TAFA5: variants seen among roughly 807,000 people sequenced by gnomAD.
TAFA5 encodes the protein chemokine-like protein TAFA-5.
Under a neutral mutation model 15.3 loss-of-function variants are expected in TAFA5, and 6 were observed. That is an observed-to-expected ratio of 0.39 (90% CI 0.21 to 0.77). The LOEUF (loss-of-function observed/expected upper bound fraction) is 0.77. Ranked by LOEUF, TAFA5 falls within the 30% of genes least tolerant of loss-of-function variation. TAFA5 has a pLI of 0.41. For missense variants in TAFA5, 161 were observed against 193.1 expected, an observed-to-expected ratio of 0.83 and a Z score of 0.98; for synonymous variants, 103 against 80.7, an observed-to-expected ratio of 1.28 and a Z score of -1.48.
At chr22:48,626,264 C>G (rs1806531379) in intron 1 of TAFA5, among the ~76,000 whole-genome samples, 1 of 152,198 alleles carries the variant, frequency 6.6e-6, no homozygotes, top group Non-Finnish European at 1.5e-5. Context: ...TTGTAAGACG[C>G]TGCCAAGCTG....
At chr22:48,717,327 G>C (rs532650494) in intron 3 of TAFA5, among the ~76,000 whole-genome samples, 4 of 152,194 alleles carry the variant, frequency 2.6e-5, no homozygotes, top group Non-Finnish European at 5.9e-5. Context: ...GGTGCAGGAA[G>C]AACAGGCTCC....
chr22:48,613,777 T>A (rs1417402365), intron 1 of TAFA5, among the ~76,000 whole-genome samples: 2 of 152,226 alleles, frequency 1.3e-5, no homozygotes, highest in Non-Finnish European at 2.9e-5. Context: ...GCTGACGTCC[T>A]TCCGGCCCTT....
At chr22:48,558,525 T>A (rs1405991993) in intron 1 of TAFA5, among the ~76,000 whole-genome samples, 2 of 152,152 alleles carry the variant, frequency 1.3e-5, no homozygotes, top group Non-Finnish European at 1.5e-5. Context: ...TGGGCTCCTG[T>A]GGGTGTTTGC....
chr22:48,553,503 C>T (rs1922927678), intron 1 of TAFA5, among the ~76,000 whole-genome samples: 2 of 152,192 alleles, frequency 1.3e-5, no homozygotes, highest in Admixed American at 1.3e-4. Context: ...ATGGGGAGAC[C>T]TGCACCAGGG....
chr22:48,707,870 G>C (rs771790056), intron 3 of TAFA5, 26 bp downstream of exon 3: 1 of 1,606,148 alleles, frequency 6.2e-7, no homozygotes, highest in Admixed American at 1.7e-5. Flanking sequence ...CTTTCTCGTG[G>C]GTGTGCTGGG....
At chr22:48,746,837 G>A (rs1241036338) in intron 3 of TAFA5, among the ~76,000 whole-genome samples, 1 of 152,126 alleles carries the variant, frequency 6.6e-6, no homozygotes, top group African/African-American at 2.4e-5. Flanking sequence ...AGCCTGCTCC[G>A]CACCCCTGGG....
At chr22:48,573,494 A>T (rs1031011089) in intron 1 of TAFA5, among the ~76,000 whole-genome samples, 1 of 152,200 alleles carries the variant, frequency 6.6e-6, no homozygotes, top group Non-Finnish European at 1.5e-5. Context: ...TCCCAATGGC[A>T]CCCAGGGCCT....
At chr22:48,549,936 C>G (rs867641275) in intron 1 of TAFA5, among the ~76,000 whole-genome samples, 1 of 152,236 alleles carries the variant, frequency 6.6e-6, no homozygotes, top group Non-Finnish European at 1.5e-5. Context: ...TTGCTCTGCA[C>G]CAGGCGAGGT....
chr22:48,670,914 T>C (rs1002629868), intron 2 of TAFA5, among the ~76,000 whole-genome samples: 1 of 152,216 alleles, frequency 6.6e-6, no homozygotes, highest in Non-Finnish European at 1.5e-5. Flanking sequence ...CAGTTGGTGC[T>C]AACTTATCTG....
chr22:48,571,271 C>CTTTTTTTTTTTTTTTTTTTTTTTT (rs869050468), intron 1 of TAFA5, among the ~76,000 whole-genome samples: 1 of 97,712 alleles, frequency 1.0e-5, no homozygotes, highest in Non-Finnish European at 2.0e-5. Flanking sequence ...TTGTTGTTTG[C>CTTTTTTTTTTTTTTTTTTTTTTTT]TTTTTTTTTT....
chr22:48,721,798 G>A (rs376869393), intron 3 of TAFA5, among the ~76,000 whole-genome samples: 6 of 152,072 alleles, frequency 3.9e-5, no homozygotes, highest in African/African-American at 4.8e-5. Flanking sequence ...GTGAAACCCC[G>A]CCTCTACTAA....
intron 1 of TAFA5, among the ~76,000 whole-genome samples, chr22:48,584,506 C>T (rs1424047291): frequency 1.3e-5 from 1 of 78,928 alleles, no homozygotes; most frequent in African/African-American, 3.1e-5. Flanking sequence ...AAATACACCA[C>T]ACACACACAC....
intron 1 of TAFA5, among the ~76,000 whole-genome samples, chr22:48,624,324 G>A (rs184003052): frequency 6.6e-6 from 1 of 152,288 alleles, no homozygotes; most frequent in Non-Finnish European, 1.5e-5. Context: ...GGTCGTGTGG[G>A]TCAGGTTCCT....
chr22:48,691,143 G>A (rs990840769), intron 2 of TAFA5, among the ~76,000 whole-genome samples: 2 of 152,136 alleles, frequency 1.3e-5, no homozygotes, highest in African/African-American at 4.8e-5. Context: ...CAAGCCTCAG[G>A]GCGGCCCGGG....
At chr22:48,715,595 C>T (rs1929379997) in intron 3 of TAFA5, among the ~76,000 whole-genome samples, 1 of 152,192 alleles carries the variant, frequency 6.6e-6, no homozygotes, top group African/African-American at 2.4e-5. Context: ...TGGTTGTGAC[C>T]CCATGTGCTG....
At position 48,560,591 on chromosome 22, in the gene TAFA5, A is replaced by AC. The variant is rs1923198313; in HGVS notation, c.112+70887_112+70888insC. Among the ~76,000 whole-genome samples the AC allele has an allele frequency of 4.7e-5, 1 of 21,246 alleles. No homozygotes were observed. Among genetic ancestry groups the AC allele is most frequent in the Admixed American group, 4.7e-4 (1 of 2,144 alleles). 13.9% of individuals were successfully genotyped at this position (21,246 alleles called of 152,430 possible). ...TTTTATTATTATTATTATTATTATT[A>AC]TATTATTATTATTAATTATTTATTT... On this transcript the variant is annotated intron_variant, in intron 1 of 3. Transcript: ENST00000402357. This position sits in a 1 kb window ranked among gnomAD's most constrained non-coding sequence, Gnocchi z 4.2.
intron 1 of TAFA5, among the ~76,000 whole-genome samples, chr22:48,586,894 G>A (rs987059958): frequency 6.6e-6 from 1 of 152,234 alleles, no homozygotes; most frequent in African/African-American, 2.4e-5. Context: ...GGCAGGATGG[G>A]CTCCCACCTT....
At position 48,740,569 on chromosome 22, in the gene TAFA5, C is replaced by T. The variant is rs575022456; in HGVS notation, c.391-9270C>T. On this transcript the variant is annotated intron_variant, in intron 3 of 3. Transcript: ENST00000402357. ...CTGTCTCCTTCCTAACGTGGAAGCA[C>T]GTGGCAGCGTCGTGGCTTCAGAACC... Among the ~76,000 whole-genome samples, 38 of 152,320 alleles carry T rather than the reference C, an allele frequency of 2.5e-4. No homozygotes were observed. In the South Asian group the frequency reaches 3.5e-3, roughly 14 times the overall value.
chr22:48,676,243 C>T (rs974406438), intron 2 of TAFA5, among the ~76,000 whole-genome samples: 1 of 152,248 alleles, frequency 6.6e-6, no homozygotes, highest in Admixed American at 6.5e-5. Context: ...TGGCCTGTCC[C>T]TCCCACCTGG....
Sources: gnomAD v4.1 joint callset for allele counts (sites outside exome capture counted in the v4.1 genomes callset) on GRCh38, gnomAD v4.1.1 for gene constraint, Gnocchi (gnomAD v3.1) non-coding constraint, MANE v1.5 for transcripts, NCBI Gene and HGNC (gene_info 2026-07-23, HGNC 2026-07-21) for gene names.